CFAP47: variants seen among roughly 807,000 people sequenced by gnomAD.
CFAP47 encodes cilia- and flagella-associated protein 47.
CFAP47 carries 29 observed loss-of-function variants against 148.1 expected under a neutral mutation model. That is an observed-to-expected ratio of 0.20 (90% CI 0.15 to 0.27). The LOEUF is 0.27. Among genes scored for constraint, CFAP47 ranks in the 10% least tolerant of loss-of-function variants. CFAP47 has a pLI of 1.00. For missense variants in CFAP47, 1,872 were observed against 1,697.5 expected, an observed-to-expected ratio of 1.10 and a Z score of -1.81; for synonymous variants, 664 against 577.3, an observed-to-expected ratio of 1.15 and a Z score of -2.15.
intron 39 of CFAP47, among the ~76,000 whole-genome samples, chrX:36,176,975 T>C (rs750558594): frequency 2.1e-3 from 231 of 112,467 alleles, no homozygotes; most frequent in Non-Finnish European, 3.5e-3. Flanking sequence ...TTGTTTTAAA[T>C]AAAGATTTCT....
Position 36,270,549 on chromosome X carries a change from G to GTATATATATATATA in CFAP47, c.7445-9934_7445-9921dup, listed in dbSNP as rs782687841. Reference sequence around the variant, plus strand: ...TTGAATTTTGAGAGTTTTAAAATTTGTATATATATATATATATGATACCCT... The same window carrying GTATATATATATATA: ...TTGAATTTTGAGAGTTTTAAAATTTGTATATATATATATATATATATATATATATATGATACCCT... On this transcript the variant is annotated intron_variant, in intron 49 of 63. Coordinates refer to ENST00000378653, the MANE Select transcript of CFAP47 (RefSeq NM_001304548.2). Among the ~76,000 whole-genome samples, 219 of 95,489 alleles carry GTATATATATATATA rather than the reference G, an allele frequency of 2.3e-3. 1 individual carries two copies. The highest frequency in any genetic ancestry group is 8.2e-3 in the African/African-American group (210 of 25,692). The allele number at this position is 95,489 out of a possible 115,157, so 82.9% of individuals were successfully genotyped here.
chrX:35,938,255 A>G (rs936881599), intron 2 of CFAP47, among the ~76,000 whole-genome samples: 2 of 110,946 alleles, frequency 1.8e-5, no homozygotes, highest in Non-Finnish European at 3.8e-5. Flanking sequence ...AATGTATTAC[A>G]TTTTTATGCT....
In CFAP47 at chrX:36,031,267, T is replaced by A. The variant is rs1937275577; in HGVS notation, c.3571T>A (p.Leu1191Met). The A allele has an allele frequency of 3.4e-6, 1 of 292,504 alleles. No homozygotes were observed. The allele number at this position is 292,504 out of a possible 1,213,427, so 24.1% of individuals were successfully genotyped here. A position where few individuals can be genotyped will look rare whatever the true frequency, so the allele number is the denominator to read the frequency against. Residue 1191 changes from leucine to methionine, a missense_variant, in exon 23 of 64, where the codon TTG (leucine) becomes ATG (methionine). Leu to Met is a conservative substitution (Grantham distance 15). Transcript: ENST00000378653. ...TCCTCTCACAGCATTGCAATCACCA[T>A]TGAACTTATCTAGTACTAAGTTTGT... ...YVQATALQSP[L>M]NLSSTKFVFE...
At chrX:35,931,906 A>T (rs1427517234) in intron 2 of CFAP47, among the ~76,000 whole-genome samples, 1 of 111,345 alleles carries the variant, frequency 9.0e-6, no homozygotes, top group Admixed American at 9.6e-5. Context: ...TATAAAACTT[A>T]TGAGGAAAAA....
chrX:36,280,630 T>G lies in CFAP47; in HGVS notation c.7588T>G (p.Tyr2530Asp). The G allele has an allele frequency of 2.2e-6, 1 of 464,897 alleles. No homozygotes were observed. Among genetic ancestry groups the G allele is most frequent in the South Asian group, 3.4e-5 (1 of 29,754 alleles). The allele number at this position is 464,897 out of a possible 1,213,427, so 38.3% of individuals were successfully genotyped here. The part of the protein sequence containing the change: ...QSSILDDADT[Y>D]GNFNNLRFWY... ...TAGCATTTTGGATGATGCAGACACA[T>G]GTAAGTTTATTATGACAGAGTTTCA... Residue 2530 changes from tyrosine (Y) to aspartate (D), a missense_variant and splice_region_variant, in exon 50 of 64, where the codon TAT becomes GAT. Transcript: ENST00000378653.
intron 26 of CFAP47, among the ~76,000 whole-genome samples, chrX:36,049,810 TC>T (rs1255512790): frequency 3.6e-5 from 4 of 111,655 alleles, no homozygotes; most frequent in Non-Finnish European, 7.5e-5. Context: ...TTTGGCTGTG[TC>T]CCCACCTAAA....
At chrX:36,239,369 G>A in intron 48 of CFAP47, among the ~76,000 whole-genome samples, 1 of 112,341 alleles carries the variant, frequency 8.9e-6, no homozygotes, top group Non-Finnish European at 1.9e-5. Context: ...GAAAGAGCAG[G>A]ATGGTTTGTG....
chrX:36,314,725 C>G (rs1941420370), intron 56 of CFAP47, among the ~76,000 whole-genome samples: 1 of 111,310 alleles, frequency 9.0e-6, no homozygotes, highest in African/African-American at 3.3e-5. Flanking sequence ...ATCTATCTAC[C>G]TACCTATCTG....
At chrX:36,184,628 A>T (rs1415262804) in intron 40 of CFAP47, among the ~76,000 whole-genome samples, 4 of 111,934 alleles carry the variant, frequency 3.6e-5, no homozygotes, top group Non-Finnish European at 7.5e-5. Context: ...GATTTTTGTT[A>T]AAAAAATAAA....
At chrX:36,345,657 A>G (rs1382911567) in intron 57 of CFAP47, among the ~76,000 whole-genome samples, 1 of 111,978 alleles carries the variant, frequency 8.9e-6, no homozygotes, top group Non-Finnish European at 1.9e-5. Context: ...AAGTTATTTA[A>G]CTAAATTGTG....
intron 21 of CFAP47, among the ~76,000 whole-genome samples, chrX:36,003,459 A>G (rs1936939650): frequency 9.2e-6 from 1 of 109,108 alleles, no homozygotes; most frequent in Non-Finnish European, 1.9e-5. Context: ...TTGGCTTCTT[A>G]GAATGAATTA....
At chrX:36,234,202 CAG>C (rs1940417162) in intron 46 of CFAP47, among the ~76,000 whole-genome samples, 1 of 110,392 alleles carries the variant, frequency 9.1e-6, no homozygotes, top group South Asian at 4.0e-4. Context: ...TAATATCCTG[CAG>C]AGTGTTTTCC....
At chrX:36,152,674 C>T (rs1419780157) in intron 37 of CFAP47, among the ~76,000 whole-genome samples, 1 of 111,913 alleles carries the variant, frequency 8.9e-6, no homozygotes, top group Non-Finnish European at 1.9e-5. Context: ...AATGATCTTT[C>T]TGTGTGGTTT....
rs917639163 is a variant in CFAP47, at chrX:36,039,166, C to A, written c.3994C>A (p.Gln1332Lys). ...TTVMDINILPQNYFRNSTLCV... is the reference protein window; with the variant it reads ...TTVMDINILPKNYFRNSTLCV... ...TGTAATGGATATCAACATTTTACCT[C>A]AAAACTATTTCAGGTAAATACTCAA... Residue 1332 changes from glutamine to lysine, a missense_variant, in exon 25 of 64, where the codon CAA (glutamine) becomes AAA (lysine). By Grantham distance (53) the Gln-to-Lys change is moderately conservative (BLOSUM62 1). Transcript: ENST00000378653. The A allele has an allele frequency of 8.6e-6, 9 of 1,049,965 alleles. No homozygotes were observed. The African/African-American group carries it at 1.2e-4, about 13-fold the overall frequency. 86.5% of individuals were successfully genotyped at this position (1,049,965 alleles called of 1,213,427 possible). A position where few individuals can be genotyped will look rare whatever the true frequency, so the allele number is the denominator to read the frequency against.
At chrX:36,019,374 GCCGACCTCCTCCC>G (rs1310002730) in intron 22 of CFAP47, among the ~76,000 whole-genome samples, 3 of 111,896 alleles carry the variant, frequency 2.7e-5, no homozygotes, top group Non-Finnish European at 5.6e-5. Flanking sequence ...ATAAACTTCT[GCCGACCTCCTCCC>G]CCGAGTAGGA....
At chrX:35,922,149 C>T (rs1266831309) in intron 1 of CFAP47, among the ~76,000 whole-genome samples, 1 of 110,966 alleles carries the variant, frequency 9.0e-6, no homozygotes, top group Non-Finnish European at 1.9e-5. Context: ...CCTTATGACT[C>T]AGACTTCTTT....
At chrX:36,025,259 G>A (rs1937203095) in intron 22 of CFAP47, among the ~76,000 whole-genome samples, 3 of 111,273 alleles carry the variant, frequency 2.7e-5, no homozygotes, top group African/African-American at 9.8e-5. Context: ...CTAGATGAAT[G>A]TTGTCACAGA....
chrX:36,039,908 T>C (rs1336649466), intron 25 of CFAP47, among the ~76,000 whole-genome samples: 1 of 112,193 alleles, frequency 8.9e-6, no homozygotes, highest in Non-Finnish European at 1.9e-5. Context: ...CCTCTTGCTT[T>C]ATTCAAAGTC....
At position 35,948,433 on chromosome X, in the gene CFAP47, A is replaced by G. The variant is rs756389417; in HGVS notation, c.637A>G (p.Ile213Val). The G allele has an allele frequency of 1.7e-6, 2 of 1,202,931 alleles. No individual in the cohort carries two copies. Among genetic ancestry groups the G allele is most frequent in the Non-Finnish European group, 2.3e-6 (2 of 888,417 alleles). The change falls in exon 4 of 64, where the codon ATT becomes GTT. Residue 213 changes from isoleucine (I) to valine (V), a missense_variant. Physicochemically the swap from Ile to Val is conservative, Grantham distance 29. Coordinates refer to ENST00000378653, the MANE Select transcript of CFAP47 (RefSeq NM_001304548.2). ...KVDFCADQPR[I>V]VDEEAIVILQ... The stretch of plus-strand genomic sequence containing the variant: ...AGATTTCTGTGCAGACCAGCCAAGA[A>G]TTGTAGATGAAGAGGCAATGTGAGT...
Sources: allele counts gnomAD v4.1 joint callset (sites outside exome capture counted in the v4.1 genomes callset), GRCh38; gene constraint gnomAD v4.1.1; transcripts MANE v1.5; gene names NCBI Gene and HGNC (gene_info 2026-07-23, HGNC 2026-07-21).